The following ARMCX4 variants were observed in gnomAD, a reference collection of about 807,000 sequenced individuals.
The protein encoded by ARMCX4 is armadillo repeat containing X-linked 4.
Under a neutral mutation model 34.7 loss-of-function variants are expected in ARMCX4, and 3 were observed. That is an observed-to-expected ratio of 0.09 (90% CI 0.04 to 0.22). The LOEUF (loss-of-function observed/expected upper bound fraction) is 0.22, where lower values mean the gene tolerates loss of function less well. Ranked by LOEUF, ARMCX4 falls within the 10% of genes least tolerant of loss-of-function variation. ARMCX4 has a pLI of 1.00. For synonymous variants in ARMCX4, 513 were observed against 632.8 expected, an observed-to-expected ratio of 0.81 and a Z score of 2.84; for missense variants, 1,448 against 1,720.8, an observed-to-expected ratio of 0.84 and a Z score of 2.81.
chrX:101,433,249 CACACATAT>C (rs1930400525), intron 2 of ARMCX4, among the ~76,000 whole-genome samples: 2 of 24,944 alleles, frequency 8.0e-5, no homozygotes, highest in East Asian at 2.0e-3. Flanking sequence ...TGTATATATA[CACACATAT>C]ATACATATAT....
intron 2 of ARMCX4, among the ~76,000 whole-genome samples, chrX:101,424,634 A>G (rs965257237): frequency 2.7e-5 from 3 of 111,994 alleles, no homozygotes; most frequent in African/African-American, 9.7e-5. Flanking sequence ...TCTCCCATAC[A>G]TCTGGGGCTA....
chrX:101,433,345 T>G (rs782388034), intron 2 of ARMCX4, among the ~76,000 whole-genome samples: 38 of 109,350 alleles, frequency 3.5e-4, no homozygotes, highest in East Asian at 2.9e-4. Context: ...TGTACATATA[T>G]GTACATATAT....
chrX:101,484,487 G>A (rs782271152), upstream of ARMCX4, among the ~76,000 whole-genome samples: 1 of 112,078 alleles, frequency 8.9e-6, no homozygotes, highest in East Asian at 2.8e-4. Context: ...TAAGTCACTA[G>A]TAAAGCACTA....
intron 8 of ARMCX4, among the ~76,000 whole-genome samples, chrX:101,507,518 T>G (rs782369648): frequency 1.8e-5 from 2 of 111,682 alleles, no homozygotes; most frequent in East Asian, 2.8e-4. Context: ...TCAGGCCTAA[T>G]GTACAGCTAT....
chrX:101,487,656 A>AACAAAGAG lies in ARMCX4; in HGVS notation c.-237_-230dup. The AACAAAGAG allele has an allele frequency of 1.0e-6, 1 of 967,814 alleles. No individual in the cohort carries two copies. Among genetic ancestry groups the AACAAAGAG allele is most frequent in the Non-Finnish European group, 1.3e-6 (1 of 752,420 alleles). The allele number at this position is 967,814 out of a possible 1,213,427, so 79.8% of individuals were successfully genotyped here. On this transcript the variant is annotated 5_prime_UTR_variant, in exon 4 of 6. The change creates a premature stop within an existing upstream ORF in the 5' untranslated region. Coordinates refer to ENST00000423738, the MANE Select transcript of ARMCX4 (RefSeq NM_001256155.3). Reference sequence around the variant, plus strand: ...GGCTTAAGATCACTGGAAGCAAAGAAACAAAGAGGAGATTGCTCCTGATCA... The same window carrying AACAAAGAG: ...GGCTTAAGATCACTGGAAGCAAAGAAACAAAGAGACAAAGAGGAGATTGCTCCTGATCA...
At chrX:101,424,324 A>G (rs1929471775) in intron 2 of ARMCX4, among the ~76,000 whole-genome samples, 3 of 111,418 alleles carry the variant, frequency 2.7e-5, no homozygotes, top group Admixed American at 1.9e-4. Context: ...CTGTCCATCT[A>G]TATGCTTTGT....
intron 4 of ARMCX4, among the ~76,000 whole-genome samples, chrX:101,460,918 GA>G (rs1207699286): frequency 9.0e-6 from 1 of 111,274 alleles, no homozygotes; most frequent in Non-Finnish European, 1.9e-5. Context: ...GTAGTTAGGA[GA>G]GGCTTAAATA....
At chrX:101,469,775 C>T (rs1304768182) in intron 4 of ARMCX4, among the ~76,000 whole-genome samples, 4 of 110,896 alleles carry the variant, frequency 3.6e-5, no homozygotes, top group Non-Finnish European at 7.6e-5. Context: ...AGACACCAGA[C>T]CAAATTGAGG....
chrX:101,434,377 A>T (rs1779274541), intron 2 of ARMCX4, among the ~76,000 whole-genome samples: 1 of 108,529 alleles, frequency 9.2e-6, no homozygotes, highest in African/African-American at 3.4e-5. Flanking sequence ...CCTCCCGAGT[A>T]GCTGGGATTA....
chrX:101,462,638 CAA>C (rs34826497), intron 4 of ARMCX4, among the ~76,000 whole-genome samples: 33 of 40,635 alleles, frequency 8.1e-4, no homozygotes, highest in African/African-American at 1.7e-3. Flanking sequence ...GACTCTGTCT[CAA>C]AAAAAAAAAA....
chrX:101,494,254 A>G lies in ARMCX4; in HGVS notation c.5665A>G (p.Arg1889Gly), dbSNP rs1209199082. ...ARNVGEDELS[R>G]ESSPDIEEIS... ...GAATGTGGGAGAGGATGAGCTAAGTAGAGAGTCCAGCCCTGATATTGAGGA... is the reference window on the plus strand; with the variant it reads ...GAATGTGGGAGAGGATGAGCTAAGTGGAGAGTCCAGCCCTGATATTGAGGA... Residue 1889 changes from arginine to glycine, a missense_variant, in exon 6 of 6, where the codon AGA becomes GGA. By Grantham distance (125) the Arg-to-Gly change is moderately radical. Coordinates refer to ENST00000423738, the MANE Select transcript of ARMCX4 (RefSeq NM_001256155.3). 8.7e-7 allele frequency: 1 copy of G among 1,152,643 alleles called. No homozygotes were observed. The highest frequency in any genetic ancestry group is 1.8e-5 in the African/African-American group (1 of 55,405). 95.0% of individuals were successfully genotyped at this position (1,152,643 alleles called of 1,213,427 possible). A position where few individuals can be genotyped will look rare whatever the true frequency, so the allele number is the denominator to read the frequency against.
At chrX:101,482,567 T>G (rs1933498681), upstream of ARMCX4, among the ~76,000 whole-genome samples, 1 of 18,622 alleles carries the variant, frequency 5.4e-5, no homozygotes, top group South Asian at 6.4e-3. Context: ...AGCTATTTTT[T>G]TTTTTTAATA....
In ARMCX4 at chrX:101,491,052, G is replaced by T. The variant is rs1356078020; in HGVS notation, c.2463G>T (p.Gly821=). The part of the protein sequence containing the change: ...NWNAVSKAGA[G]MDTRGSAQPQ... ...ATGCTGTGTCTAAGGCAGGGGCTGG[G>T]ATGGATACAAGGGGCTCTGCCCAGC... Residue 821 remains glycine, a synonymous_variant, in exon 6 of 6, where the codon GGG becomes GGT. Coordinates refer to ENST00000423738, the MANE Select transcript of ARMCX4 (RefSeq NM_001256155.3). 1 of 1,149,785 alleles carries T rather than the reference G, an allele frequency of 8.7e-7. No individual in the cohort carries two copies. The highest frequency in any genetic ancestry group is 1.1e-6 in the Non-Finnish European group (1 of 871,224). The allele number at this position is 1,149,785 out of a possible 1,213,427, so 94.8% of individuals were successfully genotyped here. A position where few individuals can be genotyped will look rare whatever the true frequency, so the allele number is the denominator to read the frequency against.
At chrX:101,457,676 C>T (rs949727419) in intron 4 of ARMCX4, among the ~76,000 whole-genome samples, 5 of 110,834 alleles carry the variant, frequency 4.5e-5, no homozygotes, top group Middle Eastern at 9.2e-3. Flanking sequence ...GAGCCGAGAT[C>T]GCGCCATTGC....
Position 101,494,299 on chromosome X carries a change from T to C in ARMCX4, c.5710T>C (p.Phe1904Leu). 2 of 1,154,891 alleles carry C rather than the reference T, an allele frequency of 1.7e-6. No individual in the cohort carries two copies. The stretch of plus-strand genomic sequence containing the variant: ...TGAGGAGATCAGTTTAAGGTCTTTG[T>C]TTTGGGCTGAGAGTGAGAACAGTAA... Reference protein sequence around the residue: ...DIEEISLRSLFWAESENSNTF... With the variant: ...DIEEISLRSLLWAESENSNTF... The change falls in exon 6 of 6, where the codon TTT becomes CTT. Residue 1904 changes from phenylalanine (F) to leucine (L), a missense_variant. By Grantham distance (22) the Phe-to-Leu change is conservative. Transcript: ENST00000423738.
At chrX:101,484,535 A>G (rs3827421), upstream of ARMCX4, among the ~76,000 whole-genome samples, 55,363 of 110,933 alleles carry the variant, frequency 0.5, 10,884 homozygotes, top group African/African-American at 0.74. Context: ...TATCCTCTAG[A>G]AGTCTTCTCT....
chrX:101,484,920 GAA>G (rs77555033), upstream of ARMCX4, among the ~76,000 whole-genome samples: 3 of 108,418 alleles, frequency 2.8e-5, no homozygotes, highest in South Asian at 1.2e-3. Flanking sequence ...CATATTAAAA[GAA>G]AAAAAAGGAA....
At chrX:101,485,198 C>A (rs1933637219), upstream of ARMCX4, 1 of 110,473 alleles carries the variant, frequency 9.1e-6, no homozygotes, top group Non-Finnish European at 1.9e-5. Flanking sequence ...AACCACAAGG[C>A]GATGATGCCA....
chrX:101,479,503 CAG>C (rs1249844254), intron 4 of ARMCX4, among the ~76,000 whole-genome samples: 2 of 103,556 alleles, frequency 1.9e-5, no homozygotes, highest in Non-Finnish European at 2.0e-5. Flanking sequence ...TTTTTTGAGA[CAG>C]AGTCTTACTC....
Sources: gnomAD v4.1 joint callset for allele counts (sites outside exome capture counted in the v4.1 genomes callset) on GRCh38, gnomAD v4.1.1 for gene constraint, MANE v1.5 for transcripts, NCBI Gene and HGNC (gene_info 2026-07-23, HGNC 2026-07-21) for gene names.